The following NRG1 variants were observed in gnomAD, a reference collection of about 807,000 sequenced individuals.
The protein encoded by NRG1 is pro-neuregulin-1, membrane-bound isoform.
A neutral mutation model predicts 63.8 loss-of-function variants in NRG1; 18 were observed. The observed-to-expected ratio is 0.28, with a 90% CI of 0.19 to 0.42. The LOEUF is 0.42. Ranked by LOEUF, NRG1 falls within the 10% of genes least tolerant of loss-of-function variation. NRG1 has a pLI of 1.00. For synonymous variants in NRG1, 302 were observed against 301.3 expected (o/e 1.00, Z -0.02); for missense variants, 762 against 814.7 (o/e 0.94, Z 0.79).
chr8:32,092,761 G>A (rs1829367185), intron 1 of NRG1, among the ~76,000 whole-genome samples: 1 of 152,096 alleles, frequency 6.6e-6, no homozygotes, highest in Admixed American at 6.5e-5. Context: ...CAAGCCTTGA[G>A]GACCACGGAG....
At chr8:32,519,903 G>C (rs1468364844) in intron 1 of NRG1, among the ~76,000 whole-genome samples, 1 of 152,096 alleles carries the variant, frequency 6.6e-6, no homozygotes, top group East Asian at 1.9e-4. Context: ...TAAGCAAACT[G>C]CAATTGGGAT....
At chr8:32,603,798 A>G (rs1236198834) in intron 2 of NRG1, among the ~76,000 whole-genome samples, 2 of 152,096 alleles carry the variant, frequency 1.3e-5, no homozygotes, top group East Asian at 3.9e-4. Flanking sequence ...TTCAACCCCT[A>G]TGTTGGTTTG....
chr8:32,452,025 A>G (rs1020818135), intron 1 of NRG1, among the ~76,000 whole-genome samples: 1 of 152,080 alleles, frequency 6.6e-6, no homozygotes. Context: ...ACGGAGTTTC[A>G]TCATGTTGGC....
intron 1 of NRG1, among the ~76,000 whole-genome samples, chr8:32,456,462 T>C (rs1167127455): frequency 6.6e-6 from 1 of 152,226 alleles, no homozygotes; most frequent in Admixed American, 6.5e-5. Flanking sequence ...CTGCCACCCA[T>C]GAGAGAGCAA....
intron 1 of NRG1, among the ~76,000 whole-genome samples, chr8:32,492,310 C>G (rs1373477261): frequency 6.6e-6 from 1 of 152,106 alleles, no homozygotes; most frequent in Non-Finnish European, 1.5e-5. Context: ...GATAGATTTA[C>G]TTTCAGCTGA....
chr8:32,090,388 T>C (rs1029193453), intron 1 of NRG1, among the ~76,000 whole-genome samples: 1 of 152,306 alleles, frequency 6.6e-6, no homozygotes, highest in African/African-American at 2.4e-5. Flanking sequence ...TGGTGCGACG[T>C]TGGCCCCCTG....
At chr8:32,046,908 C>G (rs1338982385) in intron 1 of NRG1, among the ~76,000 whole-genome samples, 1 of 151,964 alleles carries the variant, frequency 6.6e-6, no homozygotes, top group Non-Finnish European at 1.5e-5. Flanking sequence ...ATTTATATGA[C>G]TATAAATTAA....
At chr8:32,718,597 G>GCCATCGTGCAACCATATATAGCTT (rs1475526572) in intron 5 of NRG1, among the ~76,000 whole-genome samples, 6 of 152,066 alleles carry the variant, frequency 3.9e-5, no homozygotes, top group African/African-American at 1.4e-4. Context: ...TGGTATGGTT[G>GCCATCGTGCAACCATATATAGCTT]CATTATTATT....
chr8:32,128,907 G>A (rs1834445955), intron 1 of NRG1, among the ~76,000 whole-genome samples: 1 of 151,898 alleles, frequency 6.6e-6, no homozygotes, highest in African/African-American at 2.4e-5. Context: ...GCTTGGCCAT[G>A]TGGTTTTCTC....
intron 6 of NRG1, among the ~76,000 whole-genome samples, chr8:32,736,136 C>G (rs74985706): frequency 0.03 from 4,548 of 152,032 alleles, 296 homozygotes; most frequent in East Asian, 0.27. Context: ...GAAGGCATTC[C>G]CTTGGGGAAA....
chr8:32,507,290 C>T (rs1476194278), intron 1 of NRG1, among the ~76,000 whole-genome samples: 1 of 152,114 alleles, frequency 6.6e-6, no homozygotes, highest in Admixed American at 6.5e-5. Flanking sequence ...TGTAAAATCT[C>T]CAAAGCATGA....
rs546767514 is a variant in NRG1, at chr8:32,576,487, C to A, written c.101-19341C>A. 2.0e-5 allele frequency among the ~76,000 whole-genome samples: 3 copies of A among 152,172 alleles called. No individual in the cohort carries two copies. The South Asian group carries it at 6.2e-4, about 32-fold the overall frequency. On this transcript the variant is annotated intron_variant, in intron 1 of 11. Transcript: ENST00000356819. ...CTTTCTACAAGATTCTGAATTTTTT[C>A]AGAAGTGAAATTAAGTCTCAATTCC...
intron 1 of NRG1, among the ~76,000 whole-genome samples, chr8:32,564,559 CT>C (rs1837077544): frequency 6.6e-6 from 1 of 152,154 alleles, no homozygotes; most frequent in Non-Finnish European, 1.5e-5. Flanking sequence ...CTCTTTATTC[CT>C]ATTACCTTGA....
intron 7 of NRG1, among the ~76,000 whole-genome samples, chr8:32,745,448 G>T (rs1285727933): frequency 6.6e-6 from 1 of 152,102 alleles, no homozygotes; most frequent in Non-Finnish European, 1.5e-5. Flanking sequence ...ATTCTGGTCA[G>T]AATGTCCAAT....
chr8:32,277,758 TG>T (rs1415234725), intron 1 of NRG1, among the ~76,000 whole-genome samples: 4 of 152,172 alleles, frequency 2.6e-5, no homozygotes, highest in Non-Finnish European at 5.9e-5. Context: ...TCTGCATACC[TG>T]GGAGGGCCTT....
At chr8:31,706,064 C>T (rs967688320) in intron 1 of NRG1, among the ~76,000 whole-genome samples, 4 of 152,142 alleles carry the variant, frequency 2.6e-5, no homozygotes, top group African/African-American at 9.7e-5. Flanking sequence ...AAATGGATTG[C>T]ATGTTTTCCA....
At chr8:31,909,834 G>T (rs1289154220) in intron 1 of NRG1, among the ~76,000 whole-genome samples, 1 of 152,128 alleles carries the variant, frequency 6.6e-6, no homozygotes, top group Non-Finnish European at 1.5e-5. Context: ...CTGGAGCTCC[G>T]TGAGCATTTA....
intron 1 of NRG1, among the ~76,000 whole-genome samples, chr8:31,681,683 A>G (rs967689945): frequency 4.0e-5 from 6 of 148,934 alleles, no homozygotes; most frequent in Admixed American, 6.7e-5. Flanking sequence ...TTATATTTAT[A>G]TATGTTTATA....
intron 1 of NRG1, among the ~76,000 whole-genome samples, chr8:32,442,288 G>T (rs1163728896): frequency 6.6e-6 from 1 of 152,144 alleles, no homozygotes; most frequent in African/African-American, 2.4e-5. Flanking sequence ...TCCTTCTGCA[G>T]GTTTACCTGA....
Sources: allele counts gnomAD v4.1 joint callset (sites outside exome capture counted in the v4.1 genomes callset), GRCh38; gene constraint gnomAD v4.1.1; transcripts MANE v1.5; gene names NCBI Gene and HGNC (gene_info 2026-07-23, HGNC 2026-07-21).